PTPRM: variants seen among roughly 807,000 people sequenced by gnomAD.
The protein encoded by PTPRM is protein tyrosine phosphatase receptor type M.
A neutral mutation model predicts 186.7 loss-of-function variants in PTPRM; 47 were observed. The ratio of observed to expected loss-of-function variants is 0.25; its 90% CI spans 0.20 to 0.32. The LOEUF is 0.32. Among genes scored for constraint, PTPRM ranks in the 10% least tolerant of loss-of-function variants. The pLI, the probability that PTPRM is intolerant of heterozygous loss-of-function variation, is 1.00. For missense variants in PTPRM, 1,494 were observed against 1,865.0 expected (o/e 0.80, Z 3.66); for synonymous variants, 668 against 674.9 (o/e 0.99, Z 0.16).
intron 1 of PTPRM, among the ~76,000 whole-genome samples, chr18:7,637,193 A>G (rs1020663277): frequency 2.7e-5 from 4 of 150,938 alleles, no homozygotes; most frequent in Non-Finnish European, 5.9e-5. Context: ...AAAACAGTGT[A>G]ATTCATTTGC....
Position 8,234,884 on chromosome 18 carries a change from C to T in PTPRM, c.2301-9174C>T, listed in dbSNP as rs2094326490. Among the ~76,000 whole-genome samples, 4 of 152,080 alleles carry T rather than the reference C, an allele frequency of 2.6e-5. No individual in the cohort carries two copies. The South Asian group carries it at 8.3e-4, about 31-fold the overall frequency. ...CATAGCCTGTCAATGTGATGGATTGCATTTTTTGAGTTTCAAATGTTGAAC... is the reference window on the plus strand; with the variant it reads ...CATAGCCTGTCAATGTGATGGATTGTATTTTTTGAGTTTCAAATGTTGAAC... On this transcript the variant is annotated intron_variant, in intron 14 of 32. Coordinates refer to ENST00000580170, the MANE Select transcript of PTPRM (RefSeq NM_001105244.2).
intron 1 of PTPRM, among the ~76,000 whole-genome samples, chr18:7,612,966 A>G (rs574371909): frequency 1.3e-5 from 2 of 152,240 alleles, no homozygotes; most frequent in African/African-American, 4.8e-5. Flanking sequence ...CTCTCCATGA[A>G]CAGTTTATAG....
chr18:8,082,039 T>C (rs2090156255), intron 9 of PTPRM, among the ~76,000 whole-genome samples: 1 of 152,084 alleles, frequency 6.6e-6, no homozygotes, highest in African/African-American at 2.4e-5. Flanking sequence ...AAGCGTTTGC[T>C]TGATAGTCTC....
At chr18:8,056,655 G>C (rs1049496356) in intron 7 of PTPRM, among the ~76,000 whole-genome samples, 1 of 151,358 alleles carries the variant, frequency 6.6e-6, no homozygotes, top group Non-Finnish European at 1.5e-5. Context: ...ATGCACATTA[G>C]ACTTTGCTTA....
At chr18:8,267,044 T>C (rs2147573104) in intron 19 of PTPRM, among the ~76,000 whole-genome samples, 1 of 152,356 alleles carries the variant, frequency 6.6e-6, no homozygotes, top group East Asian at 1.9e-4. Context: ...TCAGGGAAAC[T>C]ATATGAGATA....
chr18:7,796,872 C>T (rs911635468), intron 2 of PTPRM, among the ~76,000 whole-genome samples: 1 of 152,200 alleles, frequency 6.6e-6, no homozygotes, highest in Non-Finnish European at 1.5e-5. Context: ...TGTCATTTCC[C>T]TCTGGATGCG....
chr18:7,987,087 C>T (rs2083002021), intron 7 of PTPRM, among the ~76,000 whole-genome samples: 1 of 152,118 alleles, frequency 6.6e-6, no homozygotes, highest in South Asian at 2.1e-4. Flanking sequence ...TTATGGCAGC[C>T]CTGGAAAATT....
At chr18:8,404,715 C>T (rs546589191) in intron 32 of PTPRM, 5 of 152,354 alleles carry the variant, frequency 3.3e-5, no homozygotes, top group South Asian at 2.1e-4. Flanking sequence ...TGCTGAACCT[C>T]GCTCACACAT....
chr18:7,658,005 A>G (rs972459940), intron 1 of PTPRM, among the ~76,000 whole-genome samples: 2 of 152,066 alleles, frequency 1.3e-5, no homozygotes, highest in African/African-American at 4.8e-5. Flanking sequence ...ACCACCCCTC[A>G]CCTCACATAG....
chr18:7,911,688 A>G (rs2050271899), intron 4 of PTPRM, among the ~76,000 whole-genome samples: 1 of 152,082 alleles, frequency 6.6e-6, no homozygotes, highest in Non-Finnish European at 1.5e-5. Flanking sequence ...CATTTTCTTG[A>G]TGGCATCCTT....
At chr18:7,920,005 C>G (rs2050770296) in intron 4 of PTPRM, among the ~76,000 whole-genome samples, 1 of 151,854 alleles carries the variant, frequency 6.6e-6, no homozygotes, top group Non-Finnish European at 1.5e-5. Flanking sequence ...ATAGATACTC[C>G]TCCTCTTTTT....
chr18:8,180,928 T>C (rs1205635509), intron 14 of PTPRM, among the ~76,000 whole-genome samples: 1 of 152,100 alleles, frequency 6.6e-6, no homozygotes, highest in Non-Finnish European at 1.5e-5. Flanking sequence ...TCGACTGATG[T>C]TCTTAGTTTG....
At chr18:8,096,179 T>A (rs1200412584) in intron 11 of PTPRM, among the ~76,000 whole-genome samples, 4 of 152,322 alleles carry the variant, frequency 2.6e-5, no homozygotes, top group African/African-American at 9.6e-5. Context: ...TTCTCTCGGC[T>A]TCAGAAGGCA....
At chr18:8,258,704 A>G (rs111542851) in intron 19 of PTPRM, among the ~76,000 whole-genome samples, 5,319 of 152,256 alleles carry the variant, frequency 0.035, 104 homozygotes, top group South Asian at 0.058. Flanking sequence ...AGATAAAGAA[A>G]GGATGTCAGT....
chr18:7,879,480 G>A (rs1218682366), intron 2 of PTPRM, among the ~76,000 whole-genome samples: 3 of 152,140 alleles, frequency 2.0e-5, no homozygotes, highest in Non-Finnish European at 4.4e-5. Context: ...CTCGTTTGTA[G>A]TTCTCAAAGT....
rs183258838 is a variant in PTPRM, at chr18:8,364,252, C to A, written c.3055-6638C>A. 5.8e-4 allele frequency among the ~76,000 whole-genome samples: 88 copies of A among 152,268 alleles called. 1 individual carries two copies. The highest frequency in any genetic ancestry group is 2.2e-3 in the Admixed American group (34 of 15,296). ...TAAAAAATCTCATCTAATCTTCACACCCTCCCTAAGAAGTTAATAATAGGA... is the reference window on the plus strand; with the variant it reads ...TAAAAAATCTCATCTAATCTTCACAACCTCCCTAAGAAGTTAATAATAGGA... On this transcript the variant is annotated intron_variant, in intron 23 of 32. Coordinates refer to ENST00000580170, the MANE Select transcript of PTPRM (RefSeq NM_001105244.2).
Position 7,833,304 on chromosome 18 carries a change from A to G in PTPRM, c.197-54802A>G, listed in dbSNP as rs79592038. The stretch of plus-strand genomic sequence containing the variant: ...TCTTCAATTTCTTCAACAGGGTTTT[A>G]TAGTTTTCATTGTAGAGATCTTTCA... On this transcript the variant is annotated intron_variant, in intron 2 of 32. Transcript: ENST00000580170. 4.8e-3 allele frequency among the ~76,000 whole-genome samples: 728 copies of G among 152,224 alleles called. 5 individuals are homozygous for G. Among genetic ancestry groups the G allele is most frequent in the African/African-American group, 0.017 (712 of 41,534 alleles).
intron 2 of PTPRM, among the ~76,000 whole-genome samples, chr18:7,782,192 C>A (rs1309508679): frequency 6.6e-6 from 1 of 152,126 alleles, no homozygotes; most frequent in Admixed American, 6.5e-5. Context: ...TCTGTGTAGC[C>A]TCTTTTCCAT....
chr18:8,191,390 G>A (rs2093707710), intron 14 of PTPRM, among the ~76,000 whole-genome samples: 1 of 152,260 alleles, frequency 6.6e-6, no homozygotes, highest in South Asian at 2.1e-4. Context: ...CAGGAGTGGG[G>A]TGATTTCCAG....
Sources: allele counts gnomAD v4.1 joint callset (sites outside exome capture counted in the v4.1 genomes callset), GRCh38; gene constraint gnomAD v4.1.1; transcripts MANE v1.5; gene names NCBI Gene and HGNC (gene_info 2026-07-23, HGNC 2026-07-21).